The following LAMB1 variants were observed in gnomAD, a reference collection of about 807,000 sequenced individuals.
The protein encoded by LAMB1 is laminin subunit beta 1.
LAMB1 carries 121 observed loss-of-function variants against 222.3 expected under a neutral mutation model. That is an observed-to-expected ratio of 0.54 (90% CI 0.47 to 0.63). The LOEUF (loss-of-function observed/expected upper bound fraction) is 0.63, where lower values mean the gene tolerates loss of function less well. Ranked by LOEUF, LAMB1 falls within the 30% of genes least tolerant of loss-of-function variation. The probability of loss-of-function intolerance (pLI) is 0.00; values close to 1 mark genes in which losing one functional copy is unlikely to be tolerated. For synonymous variants in LAMB1, 794 were observed against 807.2 expected (o/e 0.98, Z 0.28); for missense variants, 2,172 against 2,240.8 (o/e 0.97, Z 0.62).
chr7:107,946,341 A>G (rs1034172226), intron 24 of LAMB1, among the ~76,000 whole-genome samples: 1 of 152,174 alleles, frequency 6.6e-6, no homozygotes. Context: ...TATAGGTTCA[A>G]TTTTGGAATG....
Position 107,951,309 on chromosome 7 carries a change from C to T in LAMB1, c.3308G>A (p.Cys1103Tyr). The T allele has an allele frequency of 6.2e-7, 1 of 1,614,134 alleles. No homozygotes were observed. The highest frequency in any genetic ancestry group is 8.5e-7 in the Non-Finnish European group (1 of 1,180,006). The part of the protein sequence containing the change: ...GPSCNEFTGQ[C>Y]QCMPGFGGRT... The stretch of plus-strand genomic sequence containing the variant: ...GCCTCCAAACCCAGGCATGCACTGG[C>T]ACTGCCCCGTGAACTGCGGCCAGAA... The change falls in exon 24 of 34, where the codon TGC becomes TAC. Residue 1103 changes from cysteine to tyrosine, a missense_variant. Coordinates refer to ENST00000222399, the MANE Select transcript of LAMB1 (RefSeq NM_002291.3).
At chr7:107,926,617 T>TA (rs1399752415) in intron 31 of LAMB1, among the ~76,000 whole-genome samples, 43 of 150,678 alleles carry the variant, frequency 2.9e-4, no homozygotes, top group African/African-American at 5.3e-4. Context: ...TTTCTGACAG[T>TA]AAAAAAAAAC....
At chr7:107,975,918 T>G in intron 9 of LAMB1, 41 bp from the exon 10 acceptor site, 1 of 1,565,442 alleles carries the variant, frequency 6.4e-7, no homozygotes, top group Non-Finnish European at 8.7e-7. Flanking sequence ...TTTTTAAATC[T>G]ATGGACCAAT....
intron 5 of LAMB1, among the ~76,000 whole-genome samples, chr7:107,986,796 C>G (rs1377127170): frequency 6.6e-6 from 1 of 152,144 alleles, no homozygotes; most frequent in Non-Finnish European, 1.5e-5. Context: ...ATGTTATACA[C>G]AGTCCAATGA....
chr7:107,930,232 G>A (rs113153209), intron 29 of LAMB1, among the ~76,000 whole-genome samples: 2,010 of 152,148 alleles, frequency 0.013, 42 homozygotes, highest in African/African-American at 0.045. Context: ...TGTAAAATGT[G>A]GAAGATGGTG....
chr7:107,935,675 T>C lies in LAMB1; in HGVS notation c.3947-19A>G, dbSNP rs1464752340. 1 of 1,611,966 alleles carries C rather than the reference T, an allele frequency of 6.2e-7. No homozygotes were observed. The highest frequency in any genetic ancestry group is 1.3e-5 in the African/African-American group (1 of 74,850). ...AAGGCACCTAGGGTAGGAAATGAAATTGCCCACAGTTAACCTCATCATACT... is the reference window on the plus strand; with the variant it reads ...AAGGCACCTAGGGTAGGAAATGAAACTGCCCACAGTTAACCTCATCATACT... On this transcript the variant is annotated intron_variant, in intron 26 of 33. Transcript: ENST00000222399.
At chr7:107,961,708 T>A (rs777788210) in intron 15 of LAMB1, 32 bp from the exon 16 acceptor site, 1 of 1,600,820 alleles carries the variant, frequency 6.2e-7, no homozygotes, top group South Asian at 1.1e-5. Context: ...GAAAAGATAG[T>A]TAGCCCACCA....
At chr7:107,927,800 A>G (rs2032600245) in intron 31 of LAMB1, among the ~76,000 whole-genome samples, 2 of 152,230 alleles carry the variant, frequency 1.3e-5, no homozygotes, top group Non-Finnish European at 2.9e-5. Flanking sequence ...CTCGAAATTT[A>G]AGGAGGAAAA....
intron 20 of LAMB1, 75 bp from the exon 21 acceptor site, chr7:107,955,705 A>C (rs2033361427): frequency 7.2e-7 from 1 of 1,396,556 alleles, no homozygotes; most frequent in African/African-American, 1.4e-5. Flanking sequence ...AGTCTTGAAA[A>C]CTGTTCTGTT....
chr7:107,959,196 T>C lies in LAMB1; in HGVS notation c.2690+53A>G, dbSNP rs1049987713. 19 of 1,437,740 alleles carry C rather than the reference T, an allele frequency of 1.3e-5. No homozygotes were observed. In the Admixed American group the frequency reaches 2.1e-4, roughly 16 times the overall value. The allele number at this position is 1,437,740 out of a possible 1,614,324, so 89.1% of individuals were successfully genotyped here. A position where few individuals can be genotyped will look rare whatever the true frequency, so the allele number is the denominator to read the frequency against. Reference sequence around the variant, plus strand: ...GAATTCTGTGGTTGGTCTAAGATGCTGTCTGCTCAGCCAGAGATCACTACA... The same window carrying C: ...GAATTCTGTGGTTGGTCTAAGATGCCGTCTGCTCAGCCAGAGATCACTACA... On this transcript the variant is annotated intron_variant, in intron 20 of 33. Transcript: ENST00000222399.
At chr7:107,997,220 G>A (rs2034296681) in intron 4 of LAMB1, among the ~76,000 whole-genome samples, 1 of 152,112 alleles carries the variant, frequency 6.6e-6, no homozygotes, top group African/African-American at 2.4e-5. Flanking sequence ...TCAGGAGATT[G>A]AGACCACCCT....
intron 3 of LAMB1, among the ~76,000 whole-genome samples, chr7:108,001,282 A>G (rs770080072): frequency 3.4e-4 from 51 of 152,222 alleles, no homozygotes; most frequent in Non-Finnish European, 8.8e-5. Flanking sequence ...CACACACACA[A>G]TCAGGCCTTT....
chr7:107,940,123 G>A lies in LAMB1; in HGVS notation c.3627C>T (p.Ile1209=). ...RFLEKAKALK[I]SGVIGPYRET... ...CACGGTAAGGCCCGATCACACCACT[G>A]ATCTTCAAGGCCTTGGCTTTCTCCA... The change falls in exon 25 of 34, where the codon ATC becomes ATT. Residue 1209 remains isoleucine, a synonymous_variant. Coordinates refer to ENST00000222399, the MANE Select transcript of LAMB1 (RefSeq NM_002291.3). 6.2e-7 allele frequency: 1 copy of A among 1,614,088 alleles called. No homozygotes were observed. Among genetic ancestry groups the A allele is most frequent in the Non-Finnish European group, 8.5e-7 (1 of 1,180,020 alleles).
chr7:107,934,232 A>G (rs2032784157), intron 27 of LAMB1, among the ~76,000 whole-genome samples: 1 of 152,220 alleles, frequency 6.6e-6, no homozygotes, highest in African/African-American at 2.4e-5. Flanking sequence ...GGCATCAATA[A>G]ACACTGTCTT....
rs773388460 is a variant in LAMB1 at position 107,932,274 on chromosome 7, C to T, written c.4292G>A (p.Gly1431Asp). ...GTTGTGTGCAACAGTAACCAGACCA[C>T]CACAGCCAGGCCCCCCACACTTCCT... ...GERKCGGPGC[G>D]GLVTVAHNAW... The change falls in exon 28 of 34, where the codon GGT (glycine) becomes GAT (aspartate). Residue 1431 changes from glycine (G) to aspartate (D), a missense_variant. Gly to Asp is a moderately conservative substitution (Grantham distance 94, BLOSUM62 -1). Coordinates refer to ENST00000222399, the MANE Select transcript of LAMB1 (RefSeq NM_002291.3). The T allele has an allele frequency of 1.2e-6, 2 of 1,614,194 alleles. No individual in the cohort carries two copies. The highest frequency in any genetic ancestry group is 1.7e-6 in the Non-Finnish European group (2 of 1,180,038).
At chr7:107,991,144 A>T (rs551019517) in intron 5 of LAMB1, among the ~76,000 whole-genome samples, 1 of 152,340 alleles carries the variant, frequency 6.6e-6, no homozygotes, top group Non-Finnish European at 1.5e-5. Flanking sequence ...ATAAAGCACA[A>T]AATAACATGA....
intron 27 of LAMB1, 27 bp downstream of exon 27, chr7:107,935,388 C>A (rs762658347): frequency 9.0e-7 from 1 of 1,113,844 alleles, no homozygotes; most frequent in Non-Finnish European, 1.3e-6. Flanking sequence ...GGCACCATAG[C>A]AGTAAGGCCA....
At chr7:107,994,346 T>TG (rs1235018685) in intron 5 of LAMB1, among the ~76,000 whole-genome samples, 1 of 152,222 alleles carries the variant, frequency 6.6e-6, no homozygotes, top group Non-Finnish European at 1.5e-5. Flanking sequence ...AAACTGTTCC[T>TG]TAAGCTATTA....
At chr7:107,991,067 T>G (rs2034172132) in intron 5 of LAMB1, among the ~76,000 whole-genome samples, 1 of 152,238 alleles carries the variant, frequency 6.6e-6, no homozygotes, top group African/African-American at 2.4e-5. Flanking sequence ...GTTCCCAATT[T>G]TTTTTTGGTA....
Sources: gnomAD v4.1 joint callset for allele counts (sites outside exome capture counted in the v4.1 genomes callset) on GRCh38, gnomAD v4.1.1 for gene constraint, MANE v1.5 for transcripts, NCBI Gene and HGNC (gene_info 2026-07-23, HGNC 2026-07-21) for gene names.